Variants in SLC49A4 observed in about 807,000 individuals in gnomAD.
SLC49A4 encodes disrupted in renal cancer protein 2.
Under a neutral mutation model 50.6 loss-of-function variants are expected in SLC49A4, and 36 were observed. The observed-to-expected ratio is 0.71, with a 90% confidence interval of 0.55 to 0.94. The LOEUF is 0.94. Ranked by LOEUF, SLC49A4 falls within the 40% of genes least tolerant of loss-of-function variation. The pLI is 0.00. For missense variants in SLC49A4, 503 were observed against 605.7 expected, an observed-to-expected ratio of 0.83 and a Z score of 1.78; for synonymous variants, 248 against 241.2, an observed-to-expected ratio of 1.03 and a Z score of -0.26.
chr3:122,798,318 G>T (rs1166935348), intron 1 of SLC49A4, among the ~76,000 whole-genome samples: 2 of 151,222 alleles, frequency 1.3e-5, no homozygotes, highest in Non-Finnish European at 3.0e-5. Context: ...ATGTTAATTT[G>T]CACCCTTCTT....
At chr3:122,850,802 A>G (rs1323983723) in intron 5 of SLC49A4, among the ~76,000 whole-genome samples, 1 of 152,176 alleles carries the variant, frequency 6.6e-6, no homozygotes, top group African/African-American at 2.4e-5. Flanking sequence ...TTGTGTTTTA[A>G]TTGGAGTATT....
At chr3:122,828,527 A>G (rs937282621) in intron 3 of SLC49A4, among the ~76,000 whole-genome samples, 5 of 152,202 alleles carry the variant, frequency 3.3e-5, no homozygotes, top group African/African-American at 1.2e-4. Context: ...TAGTGAGAGT[A>G]CTAGTAGGTG....
chr3:122,857,394 A>C (rs1937002960), intron 6 of SLC49A4, among the ~76,000 whole-genome samples: 1 of 152,036 alleles, frequency 6.6e-6, no homozygotes, highest in Admixed American at 6.6e-5. Flanking sequence ...TTCACTTCCC[A>C]AATCATTTTA....
intron 2 of SLC49A4, among the ~76,000 whole-genome samples, chr3:122,809,632 C>T (rs1184087385): frequency 6.6e-6 from 1 of 152,148 alleles, no homozygotes; most frequent in Non-Finnish European, 1.5e-5. Context: ...CCTCCAGTCT[C>T]ATATCCCTTT....
At chr3:122,838,141 T>A (rs907745834) in intron 4 of SLC49A4, among the ~76,000 whole-genome samples, 32 of 152,066 alleles carry the variant, frequency 2.1e-4, no homozygotes, top group African/African-American at 7.7e-4. Context: ...ATTGTGGAAG[T>A]CAGTGTGGTG....
chr3:122,835,632 A>C (rs1283640796), intron 4 of SLC49A4, among the ~76,000 whole-genome samples: 6 of 152,228 alleles, frequency 3.9e-5, no homozygotes, highest in Non-Finnish European at 8.8e-5. Flanking sequence ...GTATATGACA[A>C]ACCCACAGCC....
At chr3:122,854,081 C>A (rs761747223) in intron 5 of SLC49A4, among the ~76,000 whole-genome samples, 1 of 152,152 alleles carries the variant, frequency 6.6e-6, no homozygotes, top group Non-Finnish European at 1.5e-5. Context: ...CCCCACTCAC[C>A]TAGAGGATAG....
intron 1 of SLC49A4, among the ~76,000 whole-genome samples, chr3:122,801,761 G>A (rs930586380): frequency 6.6e-6 from 1 of 152,116 alleles, no homozygotes; most frequent in African/African-American, 2.4e-5. Context: ...ATCATCTAGT[G>A]GATATTGAAA....
rs1937107102 is a variant in SLC49A4 at position 122,865,502 on chromosome 3, G to GTACA, written c.1138+5301_1138+5304dup. Among the ~76,000 whole-genome samples, 4 of 152,108 alleles carry GTACA rather than the reference G, an allele frequency of 2.6e-5. No homozygotes were observed. In the South Asian group the frequency reaches 8.3e-4, roughly 31 times the overall value. Reference sequence around the variant, plus strand: ...AAGAAATGTGATGCTGAGAGAAGAGGTACAGCTCAGTGATATAGAAATGTA... The same window carrying GTACA: ...AAGAAATGTGATGCTGAGAGAAGAGGTACATACAGCTCAGTGATATAGAAATGTA... On this transcript the variant is annotated intron_variant, in intron 7 of 8. Coordinates refer to ENST00000261038, the MANE Select transcript of SLC49A4 (RefSeq NM_032839.3).
At chr3:122,860,029 G>T in intron 6 of SLC49A4, 46 bp from the exon 7 acceptor site, 1 of 1,503,494 alleles carries the variant, frequency 6.7e-7, no homozygotes, top group South Asian at 1.3e-5. Flanking sequence ...TGCTTAAATA[G>T]TATTTTTAAA....
intron 3 of SLC49A4, among the ~76,000 whole-genome samples, chr3:122,831,401 G>A (rs926739063): frequency 5.9e-5 from 9 of 152,036 alleles, no homozygotes; most frequent in African/African-American, 1.9e-4. Flanking sequence ...AACAAAATGT[G>A]ATATATCTGT....
chr3:122,839,785 T>C (rs188454655), intron 4 of SLC49A4, among the ~76,000 whole-genome samples: 2 of 152,334 alleles, frequency 1.3e-5, no homozygotes, highest in East Asian at 3.9e-4. Context: ...TATACACTGC[T>C]GGTAGGAATG....
chr3:122,863,520 T>C (rs1937081545), intron 7 of SLC49A4, among the ~76,000 whole-genome samples: 1 of 152,186 alleles, frequency 6.6e-6, no homozygotes, highest in Non-Finnish European at 1.5e-5. Flanking sequence ...TTTGAATAAA[T>C]ATGTCACAGA....
intron 1 of SLC49A4, among the ~76,000 whole-genome samples, chr3:122,801,802 G>A (rs1365419445): frequency 1.3e-5 from 2 of 152,172 alleles, no homozygotes; most frequent in Non-Finnish European, 2.9e-5. Context: ...GTAGTGTCCT[G>A]AGGAGTAATA....
At chr3:122,844,501 G>C (rs533676309) in intron 4 of SLC49A4, among the ~76,000 whole-genome samples, 9 of 152,168 alleles carry the variant, frequency 5.9e-5, no homozygotes, top group Admixed American at 2.6e-4. Flanking sequence ...CAAGAAGCGA[G>C]CCAGGTGCAA....
chr3:122,803,495 G>C (rs140727222), intron 1 of SLC49A4, among the ~76,000 whole-genome samples: 2 of 152,290 alleles, frequency 1.3e-5, no homozygotes, highest in East Asian at 3.9e-4. Flanking sequence ...ATTTAAACAG[G>C]AAAAACAGGC....
intron 2 of SLC49A4, among the ~76,000 whole-genome samples, chr3:122,822,463 G>A (rs1936467529): frequency 6.6e-6 from 1 of 152,144 alleles, no homozygotes; most frequent in African/African-American, 2.4e-5. Flanking sequence ...TCTAGAAATA[G>A]TCTAAATCTA....
At chr3:122,843,652 A>G (rs577203607) in intron 4 of SLC49A4, among the ~76,000 whole-genome samples, 3 of 152,178 alleles carry the variant, frequency 2.0e-5, no homozygotes, top group African/African-American at 7.2e-5. Context: ...TTTGTTTCTT[A>G]TAATTTAATT....
At chr3:122,812,197 C>G (rs1936309256) in intron 2 of SLC49A4, among the ~76,000 whole-genome samples, 1 of 152,128 alleles carries the variant, frequency 6.6e-6, no homozygotes, top group Non-Finnish European at 1.5e-5. Context: ...GCTAGTGATC[C>G]TCCCATCTCA....
Sources: allele counts gnomAD v4.1 joint callset (sites outside exome capture counted in the v4.1 genomes callset), GRCh38; gene constraint gnomAD v4.1.1; transcripts MANE v1.5; gene names NCBI Gene and HGNC (gene_info 2026-07-23, HGNC 2026-07-21).